The following CCR3 variants were observed in gnomAD, a reference collection of about 807,000 sequenced individuals.
CCR3 encodes C-C chemokine receptor type 3.
For synonymous variants in CCR3, 203 were observed against 179.2 expected, an observed-to-expected ratio of 1.13 and a Z score of -1.06; for missense variants, 419 against 437.5, an observed-to-expected ratio of 0.96 and a Z score of 0.38.
intron 1 of CCR3, among the ~76,000 whole-genome samples, chr3:46,251,790 C>T (rs2125931047): frequency 6.6e-6 from 1 of 152,210 alleles, no homozygotes; most frequent in East Asian, 1.9e-4. Flanking sequence ...GGTTTGTTCT[C>T]TGGCAGGCAG....
chr3:46,227,733 T>C (rs967196474), intron 2 of CCR3, among the ~76,000 whole-genome samples: 6 of 152,210 alleles, frequency 3.9e-5, no homozygotes, highest in African/African-American at 1.4e-4. Context: ...TGTTTTCATT[T>C]AGTTCTGTAT....
intron 2 of CCR3, among the ~76,000 whole-genome samples, chr3:46,211,379 GTATA>G (rs34807299): frequency 4.7e-5 from 6 of 127,744 alleles, no homozygotes; most frequent in African/African-American, 1.6e-4. Flanking sequence ...GAAAAAATAT[GTATA>G]TATATATATA....
At chr3:46,226,091 C>T (rs71327041) in intron 2 of CCR3, among the ~76,000 whole-genome samples, 9,356 of 152,178 alleles carry the variant, frequency 0.061, 480 homozygotes, top group South Asian at 0.25. Flanking sequence ...CTATATAATA[C>T]GTCATGAAAT....
chr3:46,246,918 G>A (rs1264786236), intron 1 of CCR3, among the ~76,000 whole-genome samples: 26 of 150,578 alleles, frequency 1.7e-4, no homozygotes, highest in African/African-American at 3.2e-4. Flanking sequence ...GTGGTAAGGG[G>A]TGATATTGTG....
intron 2 of CCR3, among the ~76,000 whole-genome samples, chr3:46,212,006 C>T (rs1274502277): frequency 1.3e-5 from 2 of 152,172 alleles, no homozygotes; most frequent in Admixed American, 1.3e-4. Context: ...TTGGCCTGCT[C>T]GTTCCTCCTC....
At chr3:46,219,475 A>G (rs900789659) in intron 2 of CCR3, among the ~76,000 whole-genome samples, 7 of 150,874 alleles carry the variant, frequency 4.6e-5, no homozygotes, top group African/African-American at 1.7e-4. Context: ...ACAGAACTAG[A>G]AAAAAAATCC....
At position 46,265,824 on chromosome 3, in the gene CCR3, C is replaced by T. The variant is rs1559541483; in HGVS notation, c.666C>T (p.Ile222=). ...TTATGGCCATCTGCTACACAGGAAT[C>T]ATCAAAACGCTGCTGAGGTGCCCCA... ...LLVMAICYTG[I]IKTLLRCPSK... is the part of the protein sequence containing the mutation. The change falls in exon 2 of 2, where the codon ATC becomes ATT. Residue 222 remains isoleucine (I), a synonymous_variant. Transcript: ENST00000395940. The T allele has an allele frequency of 1.9e-6, 3 of 1,613,904 alleles. No individual in the cohort carries two copies. Among genetic ancestry groups the T allele is most frequent in the Non-Finnish European group, 2.5e-6 (3 of 1,179,990 alleles).
chr3:46,241,863 A>C (rs1481804281), upstream of CCR3, among the ~76,000 whole-genome samples: 1 of 152,110 alleles, frequency 6.6e-6, no homozygotes, highest in East Asian at 1.9e-4. Context: ...ATCAATGCTT[A>C]TTCAAGAATT....
rs1188912102 is a variant in CCR3, at chr3:46,266,328, T to C, written c.*102T>C. The C allele has an allele frequency of 2.8e-6, 2 of 705,720 alleles. No homozygotes were observed. Among genetic ancestry groups the C allele is most frequent in the Non-Finnish European group, 4.8e-6 (2 of 413,254 alleles). 43.7% of individuals were successfully genotyped at this position (705,720 alleles called of 1,614,324 possible). A position where few individuals can be genotyped will look rare whatever the true frequency, so the allele number is the denominator to read the frequency against. ...CTAAAACAGTCCTTCAAACTTCCAG[T>C]GCAACACTGAAGCTCTTGAAGACAC... On this transcript the variant is annotated 3_prime_UTR_variant, in exon 2 of 2. Coordinates refer to ENST00000395940, the MANE Select transcript of CCR3 (RefSeq NM_178329.3).
At chr3:46,235,451 C>T (rs1700014388) in intron 2 of CCR3, among the ~76,000 whole-genome samples, 3 of 152,170 alleles carry the variant, frequency 2.0e-5, no homozygotes, top group African/African-American at 7.2e-5. Context: ...TTCTCACATC[C>T]CTGCAGGTAC....
intron 2 of CCR3, among the ~76,000 whole-genome samples, chr3:46,236,234 C>A (rs1322471341): frequency 6.6e-6 from 1 of 152,116 alleles, no homozygotes; most frequent in Non-Finnish European, 1.5e-5. Context: ...AGAAGTGTGA[C>A]CTCGTGGAAA....
rs1699799289 is a variant in CCR3, at chr3:46,218,351, G to T, written c.-68+7444G>T. The stretch of plus-strand genomic sequence containing the variant: ...TAAAAATTGCCAACAAAAAAAAAAA[G>T]TCTAGGACCAGATGGATTGACAGCT... On this transcript the variant is annotated intron_variant, in intron 2 of 3. Coordinates refer to the CCR3 transcript ENST00000357422. Among the ~76,000 whole-genome samples, 3 of 150,318 alleles carry T rather than the reference G, an allele frequency of 2.0e-5. No homozygotes were observed. The South Asian group carries it at 6.4e-4, about 32-fold the overall frequency.
At position 46,228,078 on chromosome 3, in the gene CCR3, C is replaced by T. The variant is rs150985521; in HGVS notation, c.-67-14324C>T. 4.2e-3 allele frequency among the ~76,000 whole-genome samples: 633 copies of T among 152,152 alleles called. 10 individuals carry two copies. The highest frequency in any genetic ancestry group is 1.7e-3 in the Non-Finnish European group (114 of 68,006). On this transcript the variant is annotated intron_variant, in intron 2 of 3. Coordinates refer to the CCR3 transcript ENST00000357422. ...TAGGAAGATAACATCCCACACTATA[C>T]AGCAAGCCTTCCTGAAAATCCCTGT...
rs768140204 is a variant in CCR3, at chr3:46,264,385, A to C, written c.-11-763A>C. 22 of 1,522,134 alleles carry C rather than the reference A, an allele frequency of 1.4e-5. No homozygotes were observed. The African/African-American group carries it at 2.9e-4, about 20-fold the overall frequency. The allele number at this position is 1,522,134 out of a possible 1,614,324, so 94.3% of individuals were successfully genotyped here. Reference sequence around the variant, plus strand: ...CAGACAAAATGTGTATTTTTTTCACAGCTGCTGTGGATTGGATTATGCCAT... The same window carrying C: ...CAGACAAAATGTGTATTTTTTTCACCGCTGCTGTGGATTGGATTATGCCAT... On this transcript the variant is annotated intron_variant, in intron 1 of 1. Transcript: ENST00000395940.
intron 2 of CCR3, among the ~76,000 whole-genome samples, chr3:46,211,199 T>A (rs1457390580): frequency 1.0e-5 from 1 of 96,016 alleles, no homozygotes; most frequent in Non-Finnish European, 1.9e-5. Flanking sequence ...AGAATTTACT[T>A]TTTTTTTTTT....
chr3:46,242,026 C>A (rs1700091862), upstream of CCR3, among the ~76,000 whole-genome samples: 1 of 151,744 alleles, frequency 6.6e-6, no homozygotes, highest in Admixed American at 6.6e-5. Context: ...CCAACTATTC[C>A]AGAGGCTGAG....
chr3:46,214,324 T>C (rs1699749106), intron 2 of CCR3, among the ~76,000 whole-genome samples: 1 of 152,202 alleles, frequency 6.6e-6, no homozygotes, highest in East Asian at 1.9e-4. Flanking sequence ...CTCCCACCTG[T>C]TACATGGCTG....
At chr3:46,259,098 T>A (rs1346590457) in intron 1 of CCR3, among the ~76,000 whole-genome samples, 1 of 152,208 alleles carries the variant, frequency 6.6e-6, no homozygotes, top group Non-Finnish European at 1.5e-5. Context: ...TGCAGCAACA[T>A]GCACAAAAGA....
intron 2 of CCR3, among the ~76,000 whole-genome samples, chr3:46,230,627 T>C (rs909900137): frequency 1.3e-5 from 2 of 152,088 alleles, no homozygotes; most frequent in African/African-American, 4.8e-5. Flanking sequence ...CCAGGGTCAC[T>C]GAAGAGTTTG....
Sources: allele counts gnomAD v4.1 joint callset (sites outside exome capture counted in the v4.1 genomes callset), GRCh38; gene constraint gnomAD v4.1.1; transcripts MANE v1.5; gene names NCBI Gene and HGNC (gene_info 2026-07-23, HGNC 2026-07-21).